LCOR: variants seen among roughly 807,000 people sequenced by gnomAD.
LCOR encodes the protein ligand dependent nuclear receptor corepressor.
In LCOR, 14 loss-of-function variants were observed where a neutral mutation model predicts 64.4. The ratio of observed to expected loss-of-function variants is 0.22; its 90% CI spans 0.14 to 0.34. The LOEUF is 0.34. LCOR is among the 10% of genes least tolerant of loss of function. The probability of loss-of-function intolerance (pLI) is 1.00; values close to 1 mark genes in which losing one functional copy is unlikely to be tolerated. For missense variants in LCOR, 1,686 were observed against 1,765.3 expected, an observed-to-expected ratio of 0.96 and a Z score of 0.80; for synonymous variants, 643 against 642.5, an observed-to-expected ratio of 1.00 and a Z score of -0.01.
intron 2 of LCOR, among the ~76,000 whole-genome samples, chr10:96,859,989 A>G (rs1481562555): frequency 2.6e-5 from 4 of 152,182 alleles, no homozygotes; most frequent in African/African-American, 9.7e-5. Context: ...TTGACCAGGG[A>G]CAAGTGCCCG....
chr10:96,950,293 T>C (rs1442487405), intron 6 of LCOR, among the ~76,000 whole-genome samples: 1 of 152,204 alleles, frequency 6.6e-6, no homozygotes, highest in East Asian at 1.9e-4. Context: ...TTTATCCTTT[T>C]CCTGTGTGGT....
At chr10:96,939,122 A>T (rs114768633) in intron 4 of LCOR, among the ~76,000 whole-genome samples, 8,332 of 152,302 alleles carry the variant, frequency 0.055, 772 homozygotes, top group African/African-American at 0.19. Flanking sequence ...ACTACAAAAC[A>T]ACGTTGGTCA....
In LCOR at chr10:96,985,755, C is replaced by T. The variant is rs559269365; in HGVS notation, c.*621C>T. ...AAAAAAGATCATGTTCATTGTTGGT[C>T]CCTCCTCTCACCTTTGATGTTTTGT... On this transcript the variant is annotated 3_prime_UTR_variant, in exon 8 of 8. Coordinates refer to ENST00000421806, the MANE Select transcript of LCOR (RefSeq NM_001346516.2). The T allele has an allele frequency of 1.8e-5, 3 of 167,028 alleles. No homozygotes were observed. The East Asian group carries it at 5.8e-4, about 32-fold the overall frequency. The allele number at this position is 167,028 out of a possible 1,614,324, so 10.3% of individuals were successfully genotyped here.
chr10:96,895,381 T>C (rs1846519144), intron 2 of LCOR, among the ~76,000 whole-genome samples: 1 of 152,242 alleles, frequency 6.6e-6, no homozygotes, highest in African/African-American at 2.4e-5. Context: ...TTATGTTTGA[T>C]GTATACCCTC....
chr10:96,933,164 C>T (rs534872656), intron 4 of LCOR, among the ~76,000 whole-genome samples: 10 of 152,216 alleles, frequency 6.6e-5, no homozygotes, highest in African/African-American at 7.2e-5. Context: ...AATATGTCTG[C>T]GTATGTGTTT....
At chr10:96,964,191 C>G (rs760933418) in intron 7 of LCOR, 25 of 148,382 alleles carry the variant, frequency 1.7e-4, no homozygotes, top group Non-Finnish European at 3.1e-4. Context: ...AAAACTGTGT[C>G]TTAATGTATG....
chr10:96,858,648 G>C lies in LCOR; in HGVS notation c.-330+25169G>C, dbSNP rs147774161. On this transcript the variant is annotated intron_variant, in intron 2 of 7. Coordinates refer to ENST00000421806, the MANE Select transcript of LCOR (RefSeq NM_001346516.2). ...AGTAATTAGGCTTGTCATTACTTTT[G>C]GGGATGATCATAATGTGGAGTGTCA... 4.3e-3 allele frequency among the ~76,000 whole-genome samples: 648 copies of C among 152,270 alleles called. 1 individual carries two copies. The highest frequency in any genetic ancestry group is 0.017 in the Middle Eastern group (5 of 294).
intron 5 of LCOR, among the ~76,000 whole-genome samples, chr10:96,948,434 C>T (rs1391663955): frequency 6.6e-6 from 1 of 152,134 alleles, no homozygotes; most frequent in East Asian, 1.9e-4. Flanking sequence ...GGAGAGAACC[C>T]AACAAGCTGT....
rs1401292179 is a variant in LCOR, at chr10:96,958,524, A to T, written c.332+6328A>T. 15 of 732,478 alleles carry T rather than the reference A, an allele frequency of 2.0e-5. No homozygotes were observed. The East Asian group carries it at 3.8e-4, about 18-fold the overall frequency. 45.4% of individuals were successfully genotyped at this position (732,478 alleles called of 1,614,324 possible). ...TAGGCTGAGAGTTGTAAATAGTGAAAATTTGAGTACTTCTATTATTTGTTT... is the reference window on the plus strand; with the variant it reads ...TAGGCTGAGAGTTGTAAATAGTGAATATTTGAGTACTTCTATTATTTGTTT... On this transcript the variant is annotated intron_variant, in intron 7 of 7. Transcript: ENST00000421806.
chr10:96,901,736 T>C (rs1046095709), intron 2 of LCOR, among the ~76,000 whole-genome samples: 2 of 152,296 alleles, frequency 1.3e-5, no homozygotes, highest in Middle Eastern at 3.4e-3. Context: ...TTAGGCCATT[T>C]CTTCCTTCCT....
At chr10:96,847,784 C>A (rs893995632) in intron 2 of LCOR, among the ~76,000 whole-genome samples, 1 of 152,114 alleles carries the variant, frequency 6.6e-6, no homozygotes, top group African/African-American at 2.4e-5. Context: ...GAATTACCTA[C>A]AAACTTTGAT....
At chr10:96,844,142 C>T (rs1845589154) in intron 2 of LCOR, among the ~76,000 whole-genome samples, 1 of 125,988 alleles carries the variant, frequency 7.9e-6, no homozygotes, top group African/African-American at 3.2e-5. Flanking sequence ...CCCTCCCTCC[C>T]TCCCCTCCTG....
intron 4 of LCOR, among the ~76,000 whole-genome samples, chr10:96,925,052 A>T (rs1247533924): frequency 6.6e-6 from 1 of 151,168 alleles, no homozygotes; most frequent in Non-Finnish European, 1.5e-5. Flanking sequence ...TTATTTATTT[A>T]TTTTATTTAT....
At chr10:96,862,454 T>A (rs1428912890) in intron 2 of LCOR, among the ~76,000 whole-genome samples, 1 of 152,132 alleles carries the variant, frequency 6.6e-6, no homozygotes, top group Non-Finnish European at 1.5e-5. Flanking sequence ...TTTGAAGAGA[T>A]GGGGTTTCAC....
chr10:96,944,803 T>C (rs1012467638), intron 5 of LCOR, among the ~76,000 whole-genome samples: 1 of 152,154 alleles, frequency 6.6e-6, no homozygotes, highest in Non-Finnish European at 1.5e-5. Flanking sequence ...TCTTGCATTT[T>C]TAAAATTTAT....
intron 4 of LCOR, among the ~76,000 whole-genome samples, chr10:96,909,892 C>G (rs1343780370): frequency 6.6e-6 from 1 of 151,710 alleles, no homozygotes; most frequent in African/African-American, 2.4e-5. Context: ...GTGTGTGTGT[C>G]TCTGGTGGCT....
intron 2 of LCOR, among the ~76,000 whole-genome samples, chr10:96,894,017 TA>T (rs1222887984): frequency 2.6e-5 from 4 of 152,162 alleles, no homozygotes; most frequent in African/African-American, 4.8e-5. Flanking sequence ...GGAGGAAAGA[TA>T]ACAGCTGGAA....
At chr10:96,975,762 C>A (rs1029463949) in intron 7 of LCOR, among the ~76,000 whole-genome samples, 3 of 151,994 alleles carry the variant, frequency 2.0e-5, no homozygotes, top group African/African-American at 4.8e-5. Flanking sequence ...CACCTGTAAT[C>A]CCAGCACTTT....
intron 2 of LCOR, among the ~76,000 whole-genome samples, chr10:96,842,738 C>A (rs1174096717): frequency 1.3e-5 from 2 of 148,236 alleles, no homozygotes; most frequent in Non-Finnish European, 3.0e-5. Flanking sequence ...TCAAGTGATT[C>A]TTCTGCCTCA....
Sources: gnomAD v4.1 joint callset for allele counts (sites outside exome capture counted in the v4.1 genomes callset) on GRCh38, gnomAD v4.1.1 for gene constraint, MANE v1.5 for transcripts, NCBI Gene and HGNC (gene_info 2026-07-23, HGNC 2026-07-21) for gene names.